Variants in PNLIPRP3 observed in about 807,000 individuals in gnomAD.
PNLIPRP3 encodes the protein pancreatic lipase-related protein 3.
PNLIPRP3 carries 58 observed loss-of-function variants against 52.8 expected under a neutral mutation model. The observed-to-expected ratio is 1.10, with a 90% CI of 0.89 to 1.37. The LOEUF is 1.37. PNLIPRP3 is among the 40% of genes most tolerant of loss of function. The pLI is 0.00. For synonymous variants in PNLIPRP3, 192 were observed against 185.0 expected (o/e 1.04, Z -0.31); for missense variants, 593 against 561.6 (o/e 1.06, Z -0.57).
chr10:116,469,152 C>T (rs1172290586), intron 8 of PNLIPRP3, 33 bp from the exon 9 acceptor site: 1 of 1,590,660 alleles, frequency 6.3e-7, no homozygotes, highest in Non-Finnish European at 8.6e-7. Flanking sequence ...TTTCTAATTA[C>T]ATAAGTAATC....
At chr10:116,474,397 T>C (rs1846424671) in intron 10 of PNLIPRP3, among the ~76,000 whole-genome samples, 2 of 152,120 alleles carry the variant, frequency 1.3e-5, no homozygotes, top group African/African-American at 4.8e-5. Context: ...AGGCAAAGAT[T>C]TCATGATGAA....
At chr10:116,440,948 A>G (rs920807192) in intron 2 of PNLIPRP3, among the ~76,000 whole-genome samples, 2 of 152,166 alleles carry the variant, frequency 1.3e-5, no homozygotes, top group African/African-American at 4.8e-5. Flanking sequence ...ATTATGCTTC[A>G]TGTCTGCTCA....
intron 10 of PNLIPRP3, among the ~76,000 whole-genome samples, chr10:116,475,153 G>A (rs1201734141): frequency 1.3e-5 from 2 of 152,120 alleles, no homozygotes; most frequent in Non-Finnish European, 2.9e-5. Context: ...TGGAGCTGGA[G>A]GCCATTATCC....
chr10:116,439,557 T>C, intron 2 of PNLIPRP3: 1 of 847,126 alleles, frequency 1.2e-6, no homozygotes, highest in Non-Finnish European at 2.0e-6. Context: ...GCCATCAAAC[T>C]TTACTTTCGA....
chr10:116,428,977 T>G (rs900620003), intron 1 of PNLIPRP3, among the ~76,000 whole-genome samples: 2 of 152,036 alleles, frequency 1.3e-5, no homozygotes. Flanking sequence ...GTACTTAACC[T>G]TTCTAAGCCC....
Position 116,466,067 on chromosome 10 carries a change from G to C in PNLIPRP3, c.826G>C (p.Asp276His). ...TTTCACAGAAATGGCTTCCTTCTTT[G>C]ACTGTAACCATGCCCGAAGTTATCA... ...AYKKEMASFFDCNHARSYQFY... is the reference protein window; with the variant it reads ...AYKKEMASFFHCNHARSYQFY... Residue 276 changes from aspartate (D) to histidine (H), a missense_variant, in exon 8 of 12, where the codon GAC becomes CAC. Asp to His is a moderately conservative substitution (Grantham distance 81). Coordinates refer to ENST00000369230, the MANE Select transcript of PNLIPRP3 (RefSeq NM_001011709.3). 1 of 1,613,184 alleles carries C rather than the reference G, an allele frequency of 6.2e-7. No homozygotes were observed. The highest frequency in any genetic ancestry group is 1.3e-5 in the African/African-American group (1 of 75,018).
chr10:116,438,201 A>C (rs541798499), intron 2 of PNLIPRP3, among the ~76,000 whole-genome samples: 1 of 152,310 alleles, frequency 6.6e-6, no homozygotes, highest in African/African-American at 2.4e-5. Context: ...AAAAGATTCA[A>C]AAGTCTTCTG....
intron 1 of PNLIPRP3, among the ~76,000 whole-genome samples, chr10:116,433,859 A>C (rs575793413): frequency 6.6e-6 from 1 of 152,318 alleles, no homozygotes; most frequent in Non-Finnish European, 1.5e-5. Context: ...ATGAGCAAGA[A>C]ATAAACCTTA....
chr10:116,436,676 T>C (rs1202019976), intron 1 of PNLIPRP3, 35 bp from the exon 2 acceptor site: 1 of 1,542,458 alleles, frequency 6.5e-7, no homozygotes, highest in African/African-American at 1.4e-5. Flanking sequence ...CTAAGCCTGG[T>C]TCCTCTATAC....
chr10:116,462,836 T>G (rs1846215675), intron 7 of PNLIPRP3, among the ~76,000 whole-genome samples: 1 of 152,166 alleles, frequency 6.6e-6, no homozygotes, highest in African/African-American at 2.4e-5. Context: ...AAATATACAT[T>G]TATCATAAGC....
Position 116,461,219 on chromosome 10 carries a change from G to C in PNLIPRP3, c.737G>C (p.Gly246Ala). 1.2e-6 allele frequency: 2 copies of C among 1,613,878 alleles called. No individual in the cohort carries two copies. The highest frequency in any genetic ancestry group is 1.7e-6 in the Non-Finnish European group (2 of 1,179,848). Residue 246 changes from glycine (G) to alanine (A), a missense_variant, in exon 7 of 12, where the codon GGG becomes GCG. Transcript: ENST00000369230. ...CATCTTGACTTTTACCCAAATGGAGGGAAGCACATGCCAGGATGTGAAGAC... is the reference window on the plus strand; with the variant it reads ...CATCTTGACTTTTACCCAAATGGAGCGAAGCACATGCCAGGATGTGAAGAC... Reference protein sequence around the residue: ...CGHLDFYPNGGKHMPGCEDLI... With the variant: ...CGHLDFYPNGAKHMPGCEDLI...
At chr10:116,459,280 AT>A (rs371400615) in intron 5 of PNLIPRP3, among the ~76,000 whole-genome samples, 64 of 143,936 alleles carry the variant, frequency 4.4e-4, no homozygotes, top group Non-Finnish European at 5.5e-4. Context: ...AGTCAGAAAA[AT>A]AAAAAAAAAA....
At chr10:116,458,208 T>C (rs1846143010) in intron 5 of PNLIPRP3, among the ~76,000 whole-genome samples, 1 of 152,192 alleles carries the variant, frequency 6.6e-6, no homozygotes, top group Non-Finnish European at 1.5e-5. Context: ...ACGCTTTTCT[T>C]ATTTGAGGAA....
chr10:116,456,566 G>T (rs1846116561), intron 5 of PNLIPRP3, among the ~76,000 whole-genome samples: 1 of 152,186 alleles, frequency 6.6e-6, no homozygotes, highest in African/African-American at 2.4e-5. Flanking sequence ...TTACTCAGTT[G>T]TTACCATTTT....
In PNLIPRP3 at chr10:116,477,225, C is replaced by A; in HGVS notation, c.*72C>A. ...AAAGTGTCTCCTTCCACCTGGCATC[C>A]AGACCAAATTTGACCCTTGTAAATG... On this transcript the variant is annotated 3_prime_UTR_variant, in exon 12 of 12. Transcript: ENST00000369230. The A allele has an allele frequency of 7.7e-7, 1 of 1,301,630 alleles. No individual in the cohort carries two copies. Among genetic ancestry groups the A allele is most frequent in the Non-Finnish European group, 1.1e-6 (1 of 923,906 alleles). 80.6% of individuals were successfully genotyped at this position (1,301,630 alleles called of 1,614,324 possible).
chr10:116,431,372 A>G (rs1436571761), intron 1 of PNLIPRP3, among the ~76,000 whole-genome samples: 1 of 151,942 alleles, frequency 6.6e-6, no homozygotes, highest in Non-Finnish European at 1.5e-5. Flanking sequence ...GCCCTCTGTT[A>G]CCTCCTAGCA....
At chr10:116,446,160 C>CA in intron 4 of PNLIPRP3, among the ~76,000 whole-genome samples, 1 of 152,042 alleles carries the variant, frequency 6.6e-6, no homozygotes, top group Middle Eastern at 3.4e-3. Context: ...TCCTGGCGAA[C>CA]AAAATGAAAC....
At chr10:116,449,204 G>A (rs4492731) in intron 4 of PNLIPRP3, among the ~76,000 whole-genome samples, 141,996 of 152,166 alleles carry the variant, frequency 0.93, 66,890 homozygotes, top group Non-Finnish European at 1. Context: ...GTCTCAAAAC[G>A]AGACAAAACA....
chr10:116,457,442 C>T (rs1846132040), intron 5 of PNLIPRP3, among the ~76,000 whole-genome samples: 1 of 152,028 alleles, frequency 6.6e-6, no homozygotes. Context: ...TAAAAAAATA[C>T]CTAGAAGTCC....
Sources: gnomAD v4.1 joint callset for allele counts (sites outside exome capture counted in the v4.1 genomes callset) on GRCh38, gnomAD v4.1.1 for gene constraint, MANE v1.5 for transcripts, NCBI Gene and HGNC (gene_info 2026-07-23, HGNC 2026-07-21) for gene names.